Variants in RPIA observed in about 807,000 individuals in gnomAD.
The protein encoded by RPIA is ribose 5-phosphate isomerase A, also known as ribose-5-phosphate isomerase.
A neutral mutation model predicts 37.8 loss-of-function variants in RPIA; 29 were observed. The observed-to-expected ratio is 0.77, with a 90% CI of 0.57 to 1.05. RPIA has a LOEUF of 1.05. RPIA is among the 50% of genes least tolerant of loss of function. The pLI, the probability that RPIA is intolerant of heterozygous loss-of-function variation, is 0.00. For synonymous variants in RPIA, 167 were observed against 157.0 expected (o/e 1.06, Z -0.48); for missense variants, 385 against 413.6 (o/e 0.93, Z 0.60).
chr2:88,694,176 A>G (rs555341343), intron 1 of RPIA, among the ~76,000 whole-genome samples: 29 of 152,308 alleles, frequency 1.9e-4, no homozygotes, highest in Non-Finnish European at 4.0e-4. Flanking sequence ...CTGTTGGGCC[A>G]CCTCATAGGC....
At chr2:88,736,780 A>G in intron 7 of RPIA, 104 bp downstream of exon 7, 4 of 1,343,226 alleles carry the variant, frequency 3.0e-6, no homozygotes, top group Middle Eastern at 2.3e-4. Flanking sequence ...CCACCAGGCA[A>G]TTGGCTTTTA....
At chr2:88,701,817 G>A (rs1435867015) in intron 3 of RPIA, among the ~76,000 whole-genome samples, 1 of 152,170 alleles carries the variant, frequency 6.6e-6, no homozygotes, top group African/African-American at 2.4e-5. Flanking sequence ...TACATTCTGT[G>A]GCTGTAGTTC....
chr2:88,743,847 A>G (rs1306393462), intron 8 of RPIA, among the ~76,000 whole-genome samples: 1 of 152,020 alleles, frequency 6.6e-6, no homozygotes, highest in African/African-American at 2.4e-5. Flanking sequence ...TTTCTGTGGT[A>G]TTGGTTGCAG....
chr2:88,722,256 A>G (rs1673143148), intron 3 of RPIA, among the ~76,000 whole-genome samples: 3 of 152,158 alleles, frequency 2.0e-5, no homozygotes, highest in Non-Finnish European at 4.4e-5. Context: ...CTTTGAACCA[A>G]ACAAAAATTG....
Position 88,738,760 on chromosome 2 carries a change from G to A in RPIA, c.838+684G>A, listed in dbSNP as rs147183203. 1.4e-4 allele frequency among the ~76,000 whole-genome samples: 21 copies of A among 152,252 alleles called. No individual in the cohort carries two copies. In the East Asian group the frequency reaches 3.9e-3, roughly 28 times the overall value. On this transcript the variant is annotated intron_variant, in intron 8 of 8. Transcript: ENST00000283646. ...CCTTGGCATAACATAAGTTAAACAC[G>A]GTGCTAAACGTCTAAAAATATTTCC... is the stretch of plus-strand genomic sequence containing the variant.
chr2:88,718,618 C>T (rs1275259785), intron 3 of RPIA, among the ~76,000 whole-genome samples: 2 of 152,268 alleles, frequency 1.3e-5, no homozygotes, highest in South Asian at 2.1e-4. Context: ...TTCCAAGGGG[C>T]TCCATAAGTC....
intron 3 of RPIA, among the ~76,000 whole-genome samples, chr2:88,709,631 C>T (rs1429027226): frequency 6.6e-6 from 1 of 152,150 alleles, no homozygotes; most frequent in East Asian, 1.9e-4. Flanking sequence ...GTTGTTGAGT[C>T]CATACTATAA....
At chr2:88,721,630 G>C (rs1673132794) in intron 3 of RPIA, among the ~76,000 whole-genome samples, 2 of 135,734 alleles carry the variant, frequency 1.5e-5, no homozygotes, top group Admixed American at 8.0e-5. Flanking sequence ...GCAAAGACTT[G>C]GAACCAGCCC....
intron 3 of RPIA, among the ~76,000 whole-genome samples, chr2:88,710,778 T>G (rs537057151): frequency 5.9e-5 from 9 of 152,306 alleles, no homozygotes; most frequent in Admixed American, 1.3e-4. Flanking sequence ...ATGTCTTGTT[T>G]TAAATGTCTC....
intron 3 of RPIA, among the ~76,000 whole-genome samples, chr2:88,725,102 G>T (rs1307915479): frequency 6.6e-6 from 1 of 152,056 alleles, no homozygotes; most frequent in African/African-American, 2.4e-5. Context: ...CCTGCTCCTT[G>T]CACTTTCCAG....
chr2:88,713,850 T>G (rs1221709437), intron 3 of RPIA, among the ~76,000 whole-genome samples: 1 of 152,118 alleles, frequency 6.6e-6, no homozygotes, highest in Non-Finnish European at 1.5e-5. Context: ...TTCTAATAGC[T>G]CTTTTTTGTT....
chr2:88,699,530 G>T (rs2104073901), intron 2 of RPIA, among the ~76,000 whole-genome samples: 1 of 152,020 alleles, frequency 6.6e-6, no homozygotes, highest in South Asian at 2.1e-4. Flanking sequence ...GTAAAGTTCT[G>T]GCTTTTTCCT....
At chr2:88,703,137 G>A (rs557858141) in intron 3 of RPIA, among the ~76,000 whole-genome samples, 1 of 152,324 alleles carries the variant, frequency 6.6e-6, no homozygotes, top group East Asian at 1.9e-4. Flanking sequence ...GCAGGGCACA[G>A]CCTTCCTCCT....
Position 88,750,669 on chromosome 2 carries a change from G to T in RPIA, c.*591G>T, listed in dbSNP as rs925199328. The T allele has an allele frequency of 6.5e-5, 26 of 398,336 alleles. No homozygotes were observed. The highest frequency in any genetic ancestry group is 1.1e-4 in the Non-Finnish European group (24 of 226,528). The allele number at this position is 398,336 out of a possible 1,614,324, so 24.7% of individuals were successfully genotyped here. A position where few individuals can be genotyped will look rare whatever the true frequency, so the allele number is the denominator to read the frequency against. ...ATGACTTGGAATGTAAGCTGTCAGG[G>T]AGAAAATGTTGTTACACTTTTGCTA... On this transcript the variant is annotated 3_prime_UTR_variant, in exon 9 of 9. Transcript: ENST00000283646.
At position 88,736,648 on chromosome 2, in the gene RPIA, T is replaced by C. The variant is rs1673319397; in HGVS notation, c.710T>C (p.Val237Ala). 2 of 1,613,738 alleles carry C rather than the reference T, an allele frequency of 1.2e-6. No individual in the cohort carries two copies. Among genetic ancestry groups the C allele is most frequent in the Non-Finnish European group, 1.7e-6 (2 of 1,179,790 alleles). ...GTGAGCCAGAAGTTTGGGGGCGTGG[T>C]TGAACTTCGAATGGCTGTCAACAAG... ...RAVSQKFGGVVELRMAVNKAG... is the reference protein window; with the variant it reads ...RAVSQKFGGVAELRMAVNKAG... Residue 237 changes from valine (V) to alanine (A), a missense_variant, in exon 7 of 9, where the codon GTT becomes GCT. Around this residue, in one of 2 missense-constraint regions of RPIA, gnomAD observed 153 missense variants for 210.6 expected, o/e 0.73. Transcript: ENST00000283646.
chr2:88,692,187 C>T (rs988430940), intron 1 of RPIA, among the ~76,000 whole-genome samples: 4 of 152,122 alleles, frequency 2.6e-5, no homozygotes, highest in Non-Finnish European at 4.4e-5. Flanking sequence ...CGGTTGGGGG[C>T]GAATCTTCTA....
At chr2:88,723,913 G>C (rs1419570943) in intron 3 of RPIA, among the ~76,000 whole-genome samples, 2 of 152,194 alleles carry the variant, frequency 1.3e-5, no homozygotes, top group South Asian at 4.2e-4. Flanking sequence ...AAGACTTGAA[G>C]CTGGAAGGGA....
intron 4 of RPIA, among the ~76,000 whole-genome samples, chr2:88,733,785 T>G (rs558192265): frequency 3.9e-5 from 6 of 152,202 alleles, no homozygotes; most frequent in Non-Finnish European, 7.3e-5. Flanking sequence ...AAAAATATAC[T>G]CGGGGTTCCT....
At chr2:88,701,836 G>C (rs985186899) in intron 3 of RPIA, among the ~76,000 whole-genome samples, 2 of 152,218 alleles carry the variant, frequency 1.3e-5, no homozygotes, top group African/African-American at 4.8e-5. Context: ...TCAAATTGAT[G>C]AGCTAACATA....
Sources: gnomAD v4.1 joint callset for allele counts (sites outside exome capture counted in the v4.1 genomes callset) on GRCh38, gnomAD v4.1.1 for gene constraint, gnomAD v4.1.1 regional missense constraint, MANE v1.5 for transcripts, NCBI Gene and HGNC (gene_info 2026-07-23, HGNC 2026-07-21) for gene names.